The following WASHC4 variants were observed in gnomAD, a reference collection of about 807,000 sequenced individuals.
WASHC4 encodes the protein WASH complex subunit 7.
WASHC4 carries 86 observed loss-of-function variants against 166.6 expected under a neutral mutation model. The ratio of observed to expected loss-of-function variants is 0.52; its 90% CI spans 0.43 to 0.62. The LOEUF (loss-of-function observed/expected upper bound fraction) is 0.62. WASHC4 is among the 20% of genes least tolerant of loss of function. The pLI is 0.00. For synonymous variants in WASHC4, 446 were observed against 451.6 expected (o/e 0.99, Z 0.16); for missense variants, 1,262 against 1,382.4 (o/e 0.91, Z 1.38).
chr12:105,128,945 A>AT (rs60081185), intron 13 of WASHC4, among the ~76,000 whole-genome samples: 6,715 of 99,492 alleles, frequency 0.067, 718 homozygotes, highest in African/African-American at 0.23. Flanking sequence ...GCCCAGCTAC[A>AT]TTTTTTTTTT....
chr12:105,109,649 CTTTT>C (rs36080234), intron 1 of WASHC4, among the ~76,000 whole-genome samples: 2 of 97,622 alleles, frequency 2.0e-5, no homozygotes, highest in Non-Finnish European at 4.1e-5. Context: ...CTAGCATTGT[CTTTT>C]TTTTTTTTTT....
chr12:105,110,452 C>G (rs540104414), intron 1 of WASHC4, among the ~76,000 whole-genome samples: 1 of 152,138 alleles, frequency 6.6e-6, no homozygotes, highest in Non-Finnish European at 1.5e-5. Context: ...CCAGCTTATT[C>G]CAATGATTCC....
chr12:105,136,719 A>C (rs373805970), intron 14 of WASHC4, among the ~76,000 whole-genome samples: 1 of 152,096 alleles, frequency 6.6e-6, no homozygotes, highest in African/African-American at 2.4e-5. Flanking sequence ...CTGATGTAAT[A>C]GTCTTGCAGC....
rs549734239 is a variant in WASHC4 at position 105,166,049 on chromosome 12, C to T, written c.3455-815C>T. Reference sequence around the variant, plus strand: ...AGGTGACTGGGAAAACTCTGCGGGGCGATTGGACATTTGCTTTCAGGCTAA... The same window carrying T: ...AGGTGACTGGGAAAACTCTGCGGGGTGATTGGACATTTGCTTTCAGGCTAA... On this transcript the variant is annotated intron_variant, in intron 32 of 32. Coordinates refer to ENST00000332180, the MANE Select transcript of WASHC4 (RefSeq NM_015275.3). Among the ~76,000 whole-genome samples the T allele has an allele frequency of 1.9e-4, 29 of 152,260 alleles. 1 individual carries two copies. The South Asian group carries it at 5.4e-3, about 28-fold the overall frequency.
At chr12:105,158,539 CA>C (rs1338459367) in intron 28 of WASHC4, among the ~76,000 whole-genome samples, 3 of 151,872 alleles carry the variant, frequency 2.0e-5, no homozygotes, top group Admixed American at 1.3e-4. Context: ...TTGGCCTGGA[CA>C]AAAAATACAC....
At chr12:105,147,844 G>A in intron 24 of WASHC4, 6 of 677,286 alleles carry the variant, frequency 8.9e-6, no homozygotes, top group Non-Finnish European at 1.1e-5. Context: ...GGCAGAGGTT[G>A]CAGTGAGCTG....
chr12:105,135,316 C>G (rs1156677241), intron 14 of WASHC4, among the ~76,000 whole-genome samples: 3 of 151,672 alleles, frequency 2.0e-5, no homozygotes, highest in African/African-American at 7.3e-5. Context: ...ATACAAGTCT[C>G]TGTTGATGAA....
At position 105,115,197 on chromosome 12, in the gene WASHC4, T is replaced by G. The variant is rs556421324; in HGVS notation, c.335T>G (p.Phe112Cys). 6.4e-7 allele frequency: 1 copy of G among 1,552,392 alleles called. No homozygotes were observed. The highest frequency in any genetic ancestry group is 1.4e-5 in the African/African-American group (1 of 73,694). Residue 112 changes from phenylalanine to cysteine, a missense_variant, in exon 5 of 33, where the codon TTT becomes TGT. Phe to Cys is a radical substitution (Grantham distance 205). Transcript: ENST00000332180. ...TCTTAAAAACAGGCTGAAACTAAATTTTACAATGGTCTCTTGTTTTATGGA... is the reference window on the plus strand; with the variant it reads ...TCTTAAAAACAGGCTGAAACTAAATGTTACAATGGTCTCTTGTTTTATGGA... ...KKLKYEAETK[F>C]YNGLLFYGEG...
In WASHC4 at chr12:105,133,797, G is replaced by A; in HGVS notation, c.1227G>A (p.Val409=). 1 of 1,612,438 alleles carries A rather than the reference G, an allele frequency of 6.2e-7. No individual in the cohort carries two copies. Among genetic ancestry groups the A allele is most frequent in the South Asian group, 1.1e-5 (1 of 91,030 alleles). The change falls in exon 14 of 33, where the codon GTG becomes GTA. Residue 409 remains valine (V), a synonymous_variant. Coordinates refer to ENST00000332180, the MANE Select transcript of WASHC4 (RefSeq NM_015275.3). ...ATGTACAGTCTTACTACGTCTTTGTGAGCTCATGGATGATGAAAATGGAAT... is the reference window on the plus strand; with the variant it reads ...ATGTACAGTCTTACTACGTCTTTGTAAGCTCATGGATGATGAAAATGGAAT... ...TKDVQSYYVF[V]SSWMMKMESI...
chr12:105,113,927 A>G (rs1418403488), intron 2 of WASHC4, among the ~76,000 whole-genome samples: 2 of 152,048 alleles, frequency 1.3e-5, no homozygotes, highest in Non-Finnish European at 1.5e-5. Flanking sequence ...ATGGAGTTTA[A>G]TAATGTTACT....
chr12:105,136,218 C>T (rs1882304123), intron 14 of WASHC4, among the ~76,000 whole-genome samples: 1 of 152,126 alleles, frequency 6.6e-6, no homozygotes, highest in Non-Finnish European at 1.5e-5. Context: ...GAGCCCCAAG[C>T]TCCTGTTTTT....
At chr12:105,110,238 T>C (rs1879537181) in intron 1 of WASHC4, among the ~76,000 whole-genome samples, 1 of 152,162 alleles carries the variant, frequency 6.6e-6, no homozygotes, top group Non-Finnish European at 1.5e-5. Flanking sequence ...ACAGCATGAG[T>C]CAGAACACAC....
At chr12:105,145,161 G>C (rs1883190529) in intron 22 of WASHC4, among the ~76,000 whole-genome samples, 1 of 151,480 alleles carries the variant, frequency 6.6e-6, no homozygotes, top group Non-Finnish European at 1.5e-5. Context: ...CTAGAATAGT[G>C]AAGTGACTTC....
chr12:105,139,425 G>GTGTGTGTGTGTGTGTGTGTATATATA, intron 15 of WASHC4, among the ~76,000 whole-genome samples: 7 of 103,228 alleles, frequency 6.8e-5, no homozygotes, highest in East Asian at 2.8e-4. Flanking sequence ...ATGTGTGTGT[G>GTGTGTGTGTGTGTGTGTGTATATATA]TATATATATA....
rs535885215 is a variant in WASHC4, at chr12:105,138,981, A to G, written c.1452+970A>G. ...TCTCAACCTGTCCACCTCAGAGGAA[A>G]CTACTGTCCTGAATTTTATGTTTAT... On this transcript the variant is annotated intron_variant, in intron 15 of 32. Transcript: ENST00000332180. Among the ~76,000 whole-genome samples, 17 of 152,292 alleles carry G rather than the reference A, an allele frequency of 1.1e-4. No homozygotes were observed. In the South Asian group the frequency reaches 3.5e-3, roughly 32 times the overall value.
chr12:105,115,589 TC>T, intron 5 of WASHC4, 71 bp from the exon 6 acceptor site: 1 of 1,143,610 alleles, frequency 8.7e-7, no homozygotes. Flanking sequence ...AAAAAACTTT[TC>T]CCCCTTTTTT....
intron 18 of WASHC4, among the ~76,000 whole-genome samples, chr12:105,141,590 C>G (rs540429622): frequency 6.6e-6 from 1 of 152,278 alleles, no homozygotes; most frequent in African/African-American, 2.4e-5. Flanking sequence ...TTGTGTGAGA[C>G]TTAGCAATCC....
chr12:105,133,151 C>T (rs1882013170), intron 13 of WASHC4, among the ~76,000 whole-genome samples: 1 of 152,060 alleles, frequency 6.6e-6, no homozygotes, highest in African/African-American at 2.4e-5. Context: ...CCCATCACCC[C>T]ACTCCCTCCC....
chr12:105,132,709 C>A (rs1330266542), intron 13 of WASHC4, among the ~76,000 whole-genome samples: 1 of 151,902 alleles, frequency 6.6e-6, no homozygotes, highest in South Asian at 2.1e-4. Context: ...TACTTAACTT[C>A]TCTGTGTAGC....
Sources: allele counts gnomAD v4.1 joint callset (sites outside exome capture counted in the v4.1 genomes callset), GRCh38; gene constraint gnomAD v4.1.1; transcripts MANE v1.5; gene names NCBI Gene and HGNC (gene_info 2026-07-23, HGNC 2026-07-21).